IL1RAPL1: variants seen among roughly 807,000 people sequenced by gnomAD.
The protein encoded by IL1RAPL1 is interleukin 1 receptor accessory protein like 1.
A neutral mutation model predicts 48.4 loss-of-function variants in IL1RAPL1; 3 were observed. The observed-to-expected ratio is 0.06, with a 90% CI of 0.03 to 0.16. IL1RAPL1 has a LOEUF of 0.16. Among genes scored for constraint, IL1RAPL1 ranks in the 10% least tolerant of loss-of-function variants. IL1RAPL1 has a pLI of 1.00. For synonymous variants in IL1RAPL1, 185 were observed against 187.7 expected, an observed-to-expected ratio of 0.99 and a Z score of 0.12; for missense variants, 349 against 530.6, an observed-to-expected ratio of 0.66 and a Z score of 3.36.
chrX:29,625,943 G>C (rs765153344), intron 5 of IL1RAPL1, among the ~76,000 whole-genome samples: 2 of 111,420 alleles, frequency 1.8e-5, no homozygotes, highest in African/African-American at 6.5e-5. Context: ...AAAAAGATTC[G>C]TTAGTATTAT....
chrX:29,137,245 C>T lies in IL1RAPL1; in HGVS notation c.83-145693C>T, dbSNP rs1012710629. Among the ~76,000 whole-genome samples the T allele has an allele frequency of 4.3e-5, 3 of 69,330 alleles. No individual in the cohort carries two copies. In the Admixed American group the frequency reaches 6.1e-4, roughly 14 times the overall value. 60.2% of individuals were successfully genotyped at this position (69,330 alleles called of 115,157 possible). ...TTCAGTTTGTTTAAAAAATTACACACACACACTTGCGCTCACACACACACA... is the reference window on the plus strand; with the variant it reads ...TTCAGTTTGTTTAAAAAATTACACATACACACTTGCGCTCACACACACACA... On this transcript the variant is annotated intron_variant, in intron 2 of 10. Coordinates refer to ENST00000378993, the MANE Select transcript of IL1RAPL1 (RefSeq NM_014271.4).
At chrX:29,449,250 A>T (rs1335254612) in intron 5 of IL1RAPL1, among the ~76,000 whole-genome samples, 1 of 111,789 alleles carries the variant, frequency 8.9e-6, no homozygotes. Flanking sequence ...GAAGCCAAAC[A>T]GATTCCTAGG....
intron 6 of IL1RAPL1, among the ~76,000 whole-genome samples, chrX:29,858,705 T>G (rs1427527811): frequency 4.5e-5 from 5 of 111,571 alleles, no homozygotes; most frequent in African/African-American, 1.6e-4. Context: ...GCTGGACATC[T>G]GGCTAATAGG....
chrX:29,860,684 T>G (rs745477284), intron 6 of IL1RAPL1, among the ~76,000 whole-genome samples: 1 of 112,080 alleles, frequency 8.9e-6, no homozygotes, highest in Non-Finnish European at 1.9e-5. Flanking sequence ...GCAAAGGACA[T>G]GAACTCATCG....
At chrX:28,697,948 C>G (rs1935252841) in intron 1 of IL1RAPL1, among the ~76,000 whole-genome samples, 1 of 110,973 alleles carries the variant, frequency 9.0e-6, no homozygotes, top group South Asian at 3.7e-4. Context: ...TCATCTGAAA[C>G]AAAATGAGGA....
intron 6 of IL1RAPL1, among the ~76,000 whole-genome samples, chrX:29,806,997 C>T (rs1444191805): frequency 1.8e-5 from 2 of 110,599 alleles, no homozygotes; most frequent in Non-Finnish European, 3.8e-5. Context: ...TTTCCTGAGG[C>T]CTCCCCAGAA....
At chrX:29,673,581 C>T (rs1926196832) in intron 6 of IL1RAPL1, among the ~76,000 whole-genome samples, 1 of 112,020 alleles carries the variant, frequency 8.9e-6, no homozygotes, top group African/African-American at 3.2e-5. Context: ...CAAGTCCAAG[C>T]TTTTTATGGA....
chrX:28,909,036 C>T (rs923321967), intron 2 of IL1RAPL1, among the ~76,000 whole-genome samples: 2 of 110,625 alleles, frequency 1.8e-5, no homozygotes, highest in African/African-American at 6.6e-5. Context: ...TGTTAGCATG[C>T]GATATCATTC....
chrX:29,700,361 T>C (rs1030651561), intron 6 of IL1RAPL1, among the ~76,000 whole-genome samples: 5 of 111,879 alleles, frequency 4.5e-5, no homozygotes, highest in African/African-American at 1.6e-4. Context: ...GTTCAAGTTA[T>C]AGATTTAATT....
intron 5 of IL1RAPL1, among the ~76,000 whole-genome samples, chrX:29,509,169 G>A (rs899620320): frequency 2.7e-5 from 3 of 111,413 alleles, no homozygotes; most frequent in African/African-American, 3.3e-5. Flanking sequence ...AAATCTGTAC[G>A]GCAGGCTGTC....
chrX:29,342,655 C>T (rs1463618108), intron 3 of IL1RAPL1, among the ~76,000 whole-genome samples: 2 of 112,037 alleles, frequency 1.8e-5, no homozygotes, highest in Non-Finnish European at 3.8e-5. Context: ...TAGAAAAAGG[C>T]AGACATACAT....
intron 2 of IL1RAPL1, among the ~76,000 whole-genome samples, chrX:29,022,922 T>A (rs760314257): frequency 8.9e-6 from 1 of 112,247 alleles, no homozygotes; most frequent in East Asian, 2.8e-4. Flanking sequence ...AGAAACAAGA[T>A]CCAATCTCCA....
intron 2 of IL1RAPL1, among the ~76,000 whole-genome samples, chrX:28,993,859 T>C (rs370603519): frequency 1.8e-5 from 2 of 111,895 alleles, no homozygotes; most frequent in African/African-American, 6.5e-5. Flanking sequence ...AATAAAATAA[T>C]TAAACAATAC....
At chrX:29,037,304 A>C (rs1926751060) in intron 2 of IL1RAPL1, among the ~76,000 whole-genome samples, 1 of 111,659 alleles carries the variant, frequency 9.0e-6, no homozygotes, top group East Asian at 2.8e-4. Context: ...AATTCCTAAC[A>C]ATGTCTTTTA....
At chrX:29,450,969 G>A (rs968270338) in intron 5 of IL1RAPL1, among the ~76,000 whole-genome samples, 2 of 110,159 alleles carry the variant, frequency 1.8e-5, no homozygotes, top group Non-Finnish European at 3.8e-5. Context: ...TTAGGTAGTA[G>A]GGGGGTTGGC....
intron 5 of IL1RAPL1, among the ~76,000 whole-genome samples, chrX:29,588,448 A>AT (rs1351045638): frequency 8.9e-6 from 1 of 112,297 alleles, no homozygotes; most frequent in Non-Finnish European, 1.9e-5. Context: ...AACTTGAAGT[A>AT]TTTTTACCAC....
At chrX:29,442,944 A>G (rs892212856) in intron 5 of IL1RAPL1, among the ~76,000 whole-genome samples, 6 of 72,814 alleles carry the variant, frequency 8.2e-5, no homozygotes, top group Non-Finnish European at 1.4e-4. Flanking sequence ...AAATAATAAA[A>G]TACCTAAAAT....
At chrX:29,789,385 G>A (rs1286104318) in intron 6 of IL1RAPL1, among the ~76,000 whole-genome samples, 1 of 111,304 alleles carries the variant, frequency 9.0e-6, no homozygotes, top group Non-Finnish European at 1.9e-5. Flanking sequence ...CTTAAGCTAT[G>A]GGCAAAATTC....
At chrX:28,721,356 A>C (rs2146939975) in intron 1 of IL1RAPL1, among the ~76,000 whole-genome samples, 1 of 111,654 alleles carries the variant, frequency 9.0e-6, no homozygotes, top group Admixed American at 9.5e-5. Flanking sequence ...GACGATGAGT[A>C]TTTTTTCATG....
Sources: gnomAD v4.1 joint callset for allele counts (sites outside exome capture counted in the v4.1 genomes callset) on GRCh38, gnomAD v4.1.1 for gene constraint, MANE v1.5 for transcripts, NCBI Gene and HGNC (gene_info 2026-07-23, HGNC 2026-07-21) for gene names.